The following PCDHGA11 variants were observed in gnomAD, a reference collection of about 807,000 sequenced individuals.
The protein encoded by PCDHGA11 is protocadherin gamma subfamily A, 11.
PCDHGA11 carries 39 observed loss-of-function variants against 60.4 expected under a neutral mutation model. The observed-to-expected ratio is 0.65, with a 90% CI of 0.50 to 0.84. The LOEUF is 0.84. PCDHGA11 is among the 40% of genes least tolerant of loss of function. The probability of loss-of-function intolerance (pLI) is 0.00; values close to 1 mark genes in which losing one functional copy is unlikely to be tolerated. For missense variants in PCDHGA11, 1,165 were observed against 1,197.7 expected (o/e 0.97, Z 0.40); for synonymous variants, 533 against 510.3 (o/e 1.04, Z -0.60).
Position 141,485,746 on chromosome 5 carries a change from C to T in PCDHGA11, c.2434-9061C>T, listed in dbSNP as rs1297635523. ...AGAAGCGCAGCGACGGCAGCCTGGT[C>T]CCAGAGCTGCTCCTGGAGAAGCCTT... On this transcript the variant is annotated intron_variant, in intron 1 of 3. Coordinates refer to ENST00000398587, the MANE Select transcript of PCDHGA11 (RefSeq NM_018914.3). The surrounding 1 kb of genome is among the most constrained non-coding windows in gnomAD (Gnocchi z 5.7). 6.2e-7 allele frequency: 1 copy of T among 1,614,128 alleles called. No individual in the cohort carries two copies. The highest frequency in any genetic ancestry group is 2.2e-5 in the East Asian group (1 of 44,880).
At chr5:141,463,324 T>C (rs1413608053) in intron 1 of PCDHGA11, among the ~76,000 whole-genome samples, 1 of 150,722 alleles carries the variant, frequency 6.6e-6, no homozygotes, top group Non-Finnish European at 1.5e-5. Context: ...ATTCCTCAAC[T>C]CAGCAAAACC....
At chr5:141,427,678 C>T in intron 1 of PCDHGA11, 1 of 822,634 alleles carries the variant, frequency 1.2e-6, no homozygotes, top group Non-Finnish European at 2.0e-6. Flanking sequence ...AACAACCTTC[C>T]CGGAGCCTCC....
intron 1 of PCDHGA11, among the ~76,000 whole-genome samples, chr5:141,448,813 C>T (rs1020956433): frequency 2.0e-5 from 3 of 151,800 alleles, no homozygotes; most frequent in Admixed American, 1.3e-4. Context: ...GGCGTGATGG[C>T]GGGCGCCTGT....
At position 141,431,763 on chromosome 5, in the gene PCDHGA11, T is replaced by C; in HGVS notation, c.2433+8103T>C. On this transcript the variant is annotated intron_variant, in intron 1 of 3. Transcript: ENST00000398587. The surrounding 1 kb of genome is among the most constrained non-coding windows in gnomAD (Gnocchi z 4.8). ...TATTCTGCGCGAGCCAAAGTCCTGA[T>C]CACTGTTCTGGACGTGAACGACAAT... 1 of 1,614,230 alleles carries C rather than the reference T, an allele frequency of 6.2e-7. No individual in the cohort carries two copies. Among genetic ancestry groups the C allele is most frequent in the Non-Finnish European group, 8.5e-7 (1 of 1,180,030 alleles).
In PCDHGA11 at chr5:141,421,220, A is replaced by T. The variant is rs1178268746; in HGVS notation, c.-8A>T. On this transcript the variant is annotated 5_prime_UTR_variant, in exon 1 of 4. Coordinates refer to ENST00000398587, the MANE Select transcript of PCDHGA11 (RefSeq NM_018914.3). ...GAGAAACCGCGGAATATCGGCTTAGAGCCTGCCATGGCGAATCGGCTACAG... is the reference window on the plus strand; with the variant it reads ...GAGAAACCGCGGAATATCGGCTTAGTGCCTGCCATGGCGAATCGGCTACAG... The T allele has an allele frequency of 6.3e-7, 1 of 1,575,620 alleles. No homozygotes were observed. The highest frequency in any genetic ancestry group is 2.3e-5 in the East Asian group (1 of 44,104).
chr5:141,490,896 G>C lies in PCDHGA11; in HGVS notation c.2434-3911G>C. The stretch of plus-strand genomic sequence containing the variant: ...TGCATGCCAACACATCTCTGCATGT[G>C]TTTGTCCTAGACGAGAATGATAATG... On this transcript the variant is annotated intron_variant, in intron 1 of 3. Coordinates refer to ENST00000398587, the MANE Select transcript of PCDHGA11 (RefSeq NM_018914.3). This position sits in a 1 kb window ranked among gnomAD's most constrained non-coding sequence, Gnocchi z 5.4. 2.5e-6 allele frequency: 4 copies of C among 1,613,938 alleles called. No homozygotes were observed. The highest frequency in any genetic ancestry group is 3.4e-6 in the Non-Finnish European group (4 of 1,179,922).
chr5:141,490,589 A>G lies in PCDHGA11; in HGVS notation c.2434-4218A>G, dbSNP rs761250654. On this transcript the variant is annotated intron_variant, in intron 1 of 3. Transcript: ENST00000398587. The surrounding 1 kb of genome is among the most constrained non-coding windows in gnomAD (Gnocchi z 5.4). ...CTCAACATTTCAGATGTCAATGACA[A>G]TGCACCCCGCTTCAACCAGCAGCTT... The G allele has an allele frequency of 5.7e-5, 92 of 1,614,042 alleles. No individual in the cohort carries two copies. Among genetic ancestry groups the G allele is most frequent in the Non-Finnish European group, 7.6e-5 (90 of 1,180,036 alleles).
At position 141,431,098 on chromosome 5, in the gene PCDHGA11, A is replaced by G; in HGVS notation, c.2433+7438A>G. The G allele has an allele frequency of 6.2e-7, 1 of 1,614,260 alleles. No homozygotes were observed. The highest frequency in any genetic ancestry group is 8.5e-7 in the Non-Finnish European group (1 of 1,180,040). On this transcript the variant is annotated intron_variant, in intron 1 of 3. Transcript: ENST00000398587. This position sits in a 1 kb window ranked among gnomAD's most constrained non-coding sequence, Gnocchi z 4.8. ...ATCTAGACATTCTGATGGAGGATAA[A>G]GTGAAAATATATGGAGTAGAAGTAG...
chr5:141,423,755 G>GGGA, intron 1 of PCDHGA11, 95 bp downstream of exon 1: 3 of 512,508 alleles, frequency 5.9e-6, no homozygotes, highest in Non-Finnish European at 7.8e-6. Flanking sequence ...CTGTTTGGGG[G>GGGA]GGGGGTGGGG....
At chr5:141,474,117 A>C (rs748431734) in intron 1 of PCDHGA11, among the ~76,000 whole-genome samples, 11 of 152,186 alleles carry the variant, frequency 7.2e-5, no homozygotes, top group Non-Finnish European at 1.2e-4. Context: ...ACAACAACGA[A>C]AATCTCAGAA....
At position 141,485,464 on chromosome 5, in the gene PCDHGA11, G is replaced by A. The variant is rs2099614016; in HGVS notation, c.2434-9343G>A. ...CAATCGACCGAGAGGCACTGTGTGG[G>A]CTCAGTGCCAGCTGCATCGTGCCCC... is the stretch of plus-strand genomic sequence containing the variant. On this transcript the variant is annotated intron_variant, in intron 1 of 3. Coordinates refer to ENST00000398587, the MANE Select transcript of PCDHGA11 (RefSeq NM_018914.3). The surrounding 1 kb of genome is among the most constrained non-coding windows in gnomAD (Gnocchi z 5.7). 6.2e-7 allele frequency: 1 copy of A among 1,614,106 alleles called. No homozygotes were observed. The highest frequency in any genetic ancestry group is 8.5e-7 in the Non-Finnish European group (1 of 1,179,958).
Position 141,432,323 on chromosome 5 carries a change from T to C in PCDHGA11, c.2433+8663T>C, listed in dbSNP as rs1198710959. The C allele has an allele frequency of 3.4e-5, 55 of 1,614,214 alleles. No individual in the cohort carries two copies. Among genetic ancestry groups the C allele is most frequent in the Non-Finnish European group, 4.7e-5 (55 of 1,180,028 alleles). On this transcript the variant is annotated intron_variant, in intron 1 of 3. Transcript: ENST00000398587. This position sits in a 1 kb window ranked among gnomAD's most constrained non-coding sequence, Gnocchi z 6.0. ...ACTGTATGCGCTGAGCTCCTTCGAC[T>C]ACGAGCAGTTCCGAGACTTGCAAGT...
At chr5:141,428,437 C>A in intron 1 of PCDHGA11, 1 of 400,386 alleles carries the variant, frequency 2.5e-6, no homozygotes, top group South Asian at 2.4e-5. Flanking sequence ...TAAGACTAGA[C>A]CAGGGGTTTT....
chr5:141,507,483 T>G (rs2099860964), intron 3 of PCDHGA11, among the ~76,000 whole-genome samples: 1 of 152,184 alleles, frequency 6.6e-6, no homozygotes, highest in South Asian at 2.1e-4. Context: ...GCTGGCCTCC[T>G]GAGGCAGAGC....
rs1205353926 is a variant in PCDHGA11 at position 141,477,969 on chromosome 5, T to A, written c.2434-16838T>A. 6.2e-7 allele frequency: 1 copy of A among 1,613,962 alleles called. No homozygotes were observed. Among genetic ancestry groups the A allele is most frequent in the Non-Finnish European group, 8.5e-7 (1 of 1,180,032 alleles). ...CTCTTGGGATCCCCTAACCAGAGCC[T>A]TTTTGCCATAGGGCTGCACACTGGT... On this transcript the variant is annotated intron_variant, in intron 1 of 3. Coordinates refer to ENST00000398587, the MANE Select transcript of PCDHGA11 (RefSeq NM_018914.3). The surrounding 1 kb of genome is among the most constrained non-coding windows in gnomAD (Gnocchi z 4.9).
At chr5:141,448,999 G>GT (rs910018882) in intron 1 of PCDHGA11, among the ~76,000 whole-genome samples, 19 of 151,698 alleles carry the variant, frequency 1.3e-4, no homozygotes, top group South Asian at 2.1e-4. Flanking sequence ...ATAGAAAGCT[G>GT]TTTTTTTTAA....
chr5:141,441,327 C>T (rs973149197), intron 1 of PCDHGA11: 2 of 152,196 alleles, frequency 1.3e-5, no homozygotes, highest in Admixed American at 6.5e-5. Flanking sequence ...AAAAATCTTC[C>T]TCCAATAATT....
Position 141,476,437 on chromosome 5 carries a change from T to C in PCDHGA11, c.2434-18370T>C, listed in dbSNP as rs1260141259. The C allele has an allele frequency of 6.2e-7, 1 of 1,614,004 alleles. No homozygotes were observed. Among genetic ancestry groups the C allele is most frequent in the East Asian group, 2.2e-5 (1 of 44,836 alleles). ...GGACACTGCCCTCTTGCACTGTAAC[T>C]CTGGAGTTGGTAGTGGAGAACCCGC... On this transcript the variant is annotated intron_variant, in intron 1 of 3. Transcript: ENST00000398587. This position sits in a 1 kb window ranked among gnomAD's most constrained non-coding sequence, Gnocchi z 7.6.
In PCDHGA11 at chr5:141,490,639, C is replaced by T. The variant is rs1345892739; in HGVS notation, c.2434-4168C>T. 25 of 1,614,200 alleles carry T rather than the reference C, an allele frequency of 1.5e-5. No homozygotes were observed. Among genetic ancestry groups the T allele is most frequent in the East Asian group, 2.2e-5 (1 of 44,878 alleles). ...TTACACTGCTTACATCCTAGAAAAC[C>T]GGCCTCCGGGCTCCCTTCTTTGCAC... On this transcript the variant is annotated intron_variant, in intron 1 of 3. Transcript: ENST00000398587. This position sits in a 1 kb window ranked among gnomAD's most constrained non-coding sequence, Gnocchi z 5.4.
Sources: gnomAD v4.1 joint callset for allele counts (sites outside exome capture counted in the v4.1 genomes callset) on GRCh38, gnomAD v4.1.1 for gene constraint, Gnocchi (gnomAD v3.1) non-coding constraint, MANE v1.5 for transcripts, NCBI Gene and HGNC (gene_info 2026-07-23, HGNC 2026-07-21) for gene names.